Variants in ASTN2 observed in about 807,000 individuals in gnomAD.
ASTN2 encodes astrotactin-2.
ASTN2 carries 54 observed loss-of-function variants against 139.8 expected under a neutral mutation model. The observed-to-expected ratio is 0.39, with a 90% CI of 0.31 to 0.48. The LOEUF is 0.48. ASTN2 is among the 20% of genes least tolerant of loss of function. The pLI is 0.95. For missense variants in ASTN2, 1,565 were observed against 1,725.1 expected (o/e 0.91, Z 1.64); for synonymous variants, 756 against 719.5 (o/e 1.05, Z -0.81).
At chr9:117,094,510 C>T (rs1450386515) in intron 5 of ASTN2, among the ~76,000 whole-genome samples, 1 of 152,108 alleles carries the variant, frequency 6.6e-6, no homozygotes, top group African/African-American at 2.4e-5. Context: ...AATCATCAAT[C>T]GTCAACTTCT....
intron 19 of ASTN2, among the ~76,000 whole-genome samples, chr9:116,509,324 C>A (rs1249116871): frequency 6.6e-6 from 1 of 152,188 alleles, no homozygotes; most frequent in Non-Finnish European, 1.5e-5. Context: ...CATGTCCCTA[C>A]AAAGGACATG....
intron 2 of ASTN2, among the ~76,000 whole-genome samples, chr9:117,287,524 C>G (rs1834481011): frequency 6.6e-6 from 1 of 152,138 alleles, no homozygotes; most frequent in Admixed American, 6.5e-5. Context: ...TTTGTGTGAT[C>G]AATGTCACGT....
chr9:116,425,564 A>T lies in ASTN2; in HGVS notation c.*287T>A, dbSNP rs944865236. On this transcript the variant is annotated 3_prime_UTR_variant, in exon 23 of 23. Coordinates refer to ENST00000313400, the MANE Select transcript of ASTN2 (RefSeq NM_001365068.1). ...TCCACCTGAAAACTTCTGCCTCGGG[A>T]TTGACAGCCATCCATAAGAAAAGGT... 1.2e-6 allele frequency: 2 copies of T among 1,613,092 alleles called. No individual in the cohort carries two copies. The highest frequency in any genetic ancestry group is 1.3e-5 in the African/African-American group (1 of 74,818).
Position 116,632,256 on chromosome 9 carries a change from A to AGAAAGAAG in ASTN2, c.3073-11814_3073-11813insCTTCTTTC, listed in dbSNP as rs1554723358. ...AAGAAAGAAAGAAAGAAAGAAGGAA[A>AGAAAGAAG]GAAAGAAAGAAAGAAAGAAAGAAAG... On this transcript the variant is annotated intron_variant, in intron 17 of 22. Coordinates refer to ENST00000313400, the MANE Select transcript of ASTN2 (RefSeq NM_001365068.1). Among the ~76,000 whole-genome samples the AGAAAGAAG allele has an allele frequency of 2.0e-3, 209 of 103,036 alleles. 1 individual carries two copies. The highest frequency in any genetic ancestry group is 6.4e-3 in the African/African-American group (141 of 21,894). 67.6% of individuals were successfully genotyped at this position (103,036 alleles called of 152,430 possible).
At chr9:116,989,588 T>A (rs926764026) in intron 7 of ASTN2, among the ~76,000 whole-genome samples, 4 of 142,672 alleles carry the variant, frequency 2.8e-5, no homozygotes, top group African/African-American at 7.4e-5. Flanking sequence ...ATATTTGGGT[T>A]TTTTTTTTTT....
chr9:116,491,982 G>A (rs1295248319), intron 19 of ASTN2, among the ~76,000 whole-genome samples: 2 of 151,888 alleles, frequency 1.3e-5, no homozygotes, highest in Non-Finnish European at 2.9e-5. Context: ...GAGAATAATA[G>A]TATCTAACTT....
chr9:116,624,864 A>G (rs1261175647), intron 17 of ASTN2, among the ~76,000 whole-genome samples: 1 of 149,554 alleles, frequency 6.7e-6, no homozygotes, highest in Non-Finnish European at 1.5e-5. Context: ...TTTCTAGAGA[A>G]AAAAAAAAAA....
intron 6 of ASTN2, among the ~76,000 whole-genome samples, chr9:117,033,230 C>G (rs1348024385): frequency 6.6e-6 from 1 of 152,132 alleles, no homozygotes; most frequent in Non-Finnish European, 1.5e-5. Flanking sequence ...CCAAACGCTT[C>G]TCTTCCCCTC....
intron 19 of ASTN2, among the ~76,000 whole-genome samples, chr9:116,490,901 T>C (rs1261584725): frequency 6.6e-6 from 1 of 152,218 alleles, no homozygotes; most frequent in Non-Finnish European, 1.5e-5. Context: ...GTGGCCTGTG[T>C]TAATTACCTG....
chr9:116,787,263 C>T (rs10983347), intron 13 of ASTN2, among the ~76,000 whole-genome samples: 27,903 of 152,224 alleles, frequency 0.18, 3,210 homozygotes, highest in Middle Eastern at 0.33. Flanking sequence ...CTTCTCCAGT[C>T]TCTAGATCCC....
At chr9:117,084,945 A>T (rs917849298) in intron 5 of ASTN2, among the ~76,000 whole-genome samples, 1 of 152,168 alleles carries the variant, frequency 6.6e-6, no homozygotes, top group African/African-American at 2.4e-5. Flanking sequence ...CTAAAGAACT[A>T]CCCAGCCCTG....
chr9:116,537,077 T>C (rs1034557930), intron 19 of ASTN2, among the ~76,000 whole-genome samples: 27 of 152,326 alleles, frequency 1.8e-4, no homozygotes, highest in Admixed American at 9.8e-4. Flanking sequence ...CCCCCAGCCT[T>C]GCTGCTGCCT....
rs1192629298 is a variant in ASTN2 at position 116,679,655 on chromosome 9, A to T, written c.2807-27862T>A. On this transcript the variant is annotated intron_variant, in intron 16 of 22. Coordinates refer to ENST00000313400, the MANE Select transcript of ASTN2 (RefSeq NM_001365068.1). ...AAACTCTCCTCAGCAAATGTAAAAG[A>T]ACAGAAATTATAACTGTCTCTCAGA... Among the ~76,000 whole-genome samples, 2 of 152,202 alleles carry T rather than the reference A, an allele frequency of 1.3e-5. 1 individual carries two copies. The highest frequency in any genetic ancestry group is 4.1e-4 in the South Asian group (2 of 4,832).
intron 5 of ASTN2, among the ~76,000 whole-genome samples, chr9:117,047,030 C>A (rs1399453532): frequency 6.6e-6 from 1 of 152,144 alleles, no homozygotes; most frequent in Non-Finnish European, 1.5e-5. Flanking sequence ...TCAGGGTGAC[C>A]ACTGTAGATT....
intron 2 of ASTN2, among the ~76,000 whole-genome samples, chr9:117,261,701 C>A (rs1169868275): frequency 6.6e-6 from 1 of 152,146 alleles, no homozygotes; most frequent in South Asian, 2.1e-4. Context: ...GTGCATTTGA[C>A]TGGAAATGTA....
chr9:117,142,951 T>C (rs1259850540), intron 3 of ASTN2, among the ~76,000 whole-genome samples: 1 of 152,180 alleles, frequency 6.6e-6, no homozygotes, highest in Non-Finnish European at 1.5e-5. Flanking sequence ...CAACAATTTC[T>C]GTTTCTTTGA....
At chr9:117,057,121 T>C (rs991653509) in intron 5 of ASTN2, among the ~76,000 whole-genome samples, 1 of 152,202 alleles carries the variant, frequency 6.6e-6, no homozygotes, top group Non-Finnish European at 1.5e-5. Flanking sequence ...TTGCTTAATA[T>C]AGAGTTCTCA....
intron 2 of ASTN2, among the ~76,000 whole-genome samples, chr9:117,268,576 C>G (rs868024939): frequency 6.6e-6 from 1 of 152,108 alleles, no homozygotes; most frequent in African/African-American, 2.4e-5. Context: ...GACTCAGGAC[C>G]CTGACCCAAA....
At chr9:116,921,548 A>G (rs1284318512) in intron 10 of ASTN2, among the ~76,000 whole-genome samples, 3 of 147,212 alleles carry the variant, frequency 2.0e-5, no homozygotes, top group African/African-American at 7.5e-5. Context: ...AGATTGGACC[A>G]CTGTACTCCA....
Sources: gnomAD v4.1 joint callset for allele counts (sites outside exome capture counted in the v4.1 genomes callset) on GRCh38, gnomAD v4.1.1 for gene constraint, MANE v1.5 for transcripts, NCBI Gene and HGNC (gene_info 2026-07-23, HGNC 2026-07-21) for gene names.